UGT1A8: variants seen among roughly 807,000 people sequenced by gnomAD.
UGT1A8 encodes the protein UDP glucuronosyltransferase family 1 member A8.
Under a neutral mutation model 45.3 loss-of-function variants are expected in UGT1A8, and 39 were observed. That is an observed-to-expected ratio of 0.86 (90% confidence interval 0.67 to 1.12). The LOEUF is 1.12. Among genes scored for constraint, UGT1A8 ranks in the 50% most tolerant of loss-of-function variants. The pLI, the probability that UGT1A8 is intolerant of heterozygous loss-of-function variation, is 0.00. For missense variants in UGT1A8, 719 were observed against 664.9 expected (o/e 1.08, Z -0.90); for synonymous variants, 275 against 249.2 (o/e 1.10, Z -0.97).
Position 233,772,846 on chromosome 2 carries a change from T to G in UGT1A8, c.*287T>G. On this transcript the variant is annotated 3_prime_UTR_variant, in exon 5 of 5. Transcript: ENST00000373450. Reference sequence around the variant, plus strand: ...AGGCTGGCATTCTAGATTACTTTTCTTACTCTGAAACATGGCCTGTTTGGG... The same window carrying G: ...AGGCTGGCATTCTAGATTACTTTTCGTACTCTGAAACATGGCCTGTTTGGG... 1 of 808,400 alleles carries G rather than the reference T, an allele frequency of 1.2e-6. No homozygotes were observed. Among genetic ancestry groups the G allele is most frequent in the Non-Finnish European group, 1.8e-6 (1 of 570,574 alleles). The allele number at this position is 808,400 out of a possible 1,614,324, so 50.1% of individuals were successfully genotyped here.
intron 1 of UGT1A8, among the ~76,000 whole-genome samples, chr2:233,720,310 T>C (rs1232996751): frequency 6.6e-6 from 1 of 152,138 alleles, no homozygotes; most frequent in Non-Finnish European, 1.5e-5. Context: ...GTCTGGTGTA[T>C]GATGTGGGGA....
chr2:233,672,483 C>T, intron 1 of UGT1A8: 2 of 1,613,952 alleles, frequency 1.2e-6, no homozygotes, highest in Non-Finnish European at 1.7e-6. Context: ...GTGCACAGTG[C>T]CCTGCTCCTC....
chr2:233,736,616 C>T (rs1448370829), intron 1 of UGT1A8, among the ~76,000 whole-genome samples: 1 of 152,208 alleles, frequency 6.6e-6, no homozygotes, highest in Non-Finnish European at 1.5e-5. Flanking sequence ...TTAGAATTTT[C>T]AGCTTTTCTG....
At chr2:233,628,458 A>T (rs1315232594) in intron 1 of UGT1A8, among the ~76,000 whole-genome samples, 2 of 152,150 alleles carry the variant, frequency 1.3e-5, no homozygotes, top group African/African-American at 2.4e-5. Context: ...ATTAGTTTTT[A>T]AGTATTGTAT....
At chr2:233,745,781 CAG>C (rs757535018) in intron 1 of UGT1A8, among the ~76,000 whole-genome samples, 4 of 150,162 alleles carry the variant, frequency 2.7e-5, no homozygotes, top group Non-Finnish European at 5.9e-5. Flanking sequence ...TGAGCTTAGA[CAG>C]GGGGGCTGGG....
intron 1 of UGT1A8, among the ~76,000 whole-genome samples, chr2:233,720,042 G>A (rs1048137470): frequency 2.6e-5 from 4 of 152,186 alleles, no homozygotes; most frequent in Non-Finnish European, 5.9e-5. Flanking sequence ...CTGATTTTCA[G>A]CTGAACGGTG....
At chr2:233,690,774 C>T (rs868693123) in intron 1 of UGT1A8, 3 of 1,062,396 alleles carry the variant, frequency 2.8e-6, no homozygotes, top group East Asian at 6.5e-5. Context: ...CACACACACA[C>T]ATACACACAC....
At chr2:233,691,600 T>G in intron 1 of UGT1A8, 1 of 985,704 alleles carries the variant, frequency 1.0e-6, no homozygotes, top group Non-Finnish European at 1.2e-6. Flanking sequence ...TACACAGGTC[T>G]TGCTCTGGGA....
At chr2:233,621,054 C>A (rs2072994553) in intron 1 of UGT1A8, among the ~76,000 whole-genome samples, 2 of 152,152 alleles carry the variant, frequency 1.3e-5, no homozygotes, top group South Asian at 2.1e-4. Context: ...GTAACAAAAT[C>A]TCCTTGAGTC....
At chr2:233,672,509 GA>G (rs2074229421) in intron 1 of UGT1A8, 2 of 1,613,614 alleles carry the variant, frequency 1.2e-6, no homozygotes, top group Non-Finnish European at 1.7e-6. Flanking sequence ...TATGTCCCCA[GA>G]ATTCTCTTAG....
chr2:233,768,483 T>A (rs373208475), intron 4 of UGT1A8, 44 bp downstream of exon 4: 16 of 1,586,602 alleles, frequency 1.0e-5, no homozygotes, highest in Non-Finnish European at 1.4e-5. Flanking sequence ...ATGGCATTCA[T>A]GATAAAATTG....
At chr2:233,715,102 T>C (rs1462958719) in intron 1 of UGT1A8, among the ~76,000 whole-genome samples, 2 of 152,140 alleles carry the variant, frequency 1.3e-5, no homozygotes, top group East Asian at 3.9e-4. Context: ...GCCAGGCTGA[T>C]CTCAAATGCC....
At chr2:233,744,002 G>C (rs1194406959) in intron 1 of UGT1A8, 1 of 1,192,502 alleles carries the variant, frequency 8.4e-7, no homozygotes, top group Admixed American at 2.7e-5. Flanking sequence ...AGTGCTCGGA[G>C]ACCTGGGCCG....
At chr2:233,679,919 A>G (rs572164677) in intron 1 of UGT1A8, among the ~76,000 whole-genome samples, 1 of 152,202 alleles carries the variant, frequency 6.6e-6, no homozygotes. Context: ...AATATGAGAC[A>G]AAAATGTATT....
intron 1 of UGT1A8, chr2:233,713,228 G>C (rs200357281): frequency 7.1e-5 from 114 of 1,614,178 alleles, no homozygotes; most frequent in South Asian, 3.1e-4. Flanking sequence ...CCCTGACAAC[G>C]TATGCCATTT....
intron 1 of UGT1A8, among the ~76,000 whole-genome samples, chr2:233,734,160 T>C (rs535251850): frequency 1.3e-5 from 2 of 152,268 alleles, no homozygotes; most frequent in Non-Finnish European, 2.9e-5. Context: ...GTCCTGGACT[T>C]TTTTTGGTTG....
At chr2:233,682,805 C>A (rs2074601450) in intron 1 of UGT1A8, 1 of 1,593,992 alleles carries the variant, frequency 6.3e-7, no homozygotes, top group African/African-American at 1.4e-5. Context: ...AAGTTATCTC[C>A]CCTTTAGCAC....
chr2:233,651,672 G>C (rs1049555209), intron 1 of UGT1A8, among the ~76,000 whole-genome samples: 1 of 152,176 alleles, frequency 6.6e-6, no homozygotes, highest in Non-Finnish European at 1.5e-5. Flanking sequence ...AGAAGGGCAG[G>C]CTGTGTCTTG....
chr2:233,738,821 A>C (rs1039985874), intron 1 of UGT1A8: 1 of 152,270 alleles, frequency 6.6e-6, no homozygotes, highest in African/African-American at 2.4e-5. Context: ...AATTTGAATA[A>C]ATAAGGAGGA....
Sources: allele counts gnomAD v4.1 joint callset (sites outside exome capture counted in the v4.1 genomes callset), GRCh38; gene constraint gnomAD v4.1.1; transcripts MANE v1.5; gene names NCBI Gene and HGNC (gene_info 2026-07-23, HGNC 2026-07-21).